FAM83B: variants seen among roughly 807,000 people sequenced by gnomAD.
The protein encoded by FAM83B is protein FAM83B.
A neutral mutation model predicts 38.8 loss-of-function variants in FAM83B; 26 were observed. That is an observed-to-expected ratio of 0.67 (90% CI 0.49 to 0.93). The LOEUF is 0.93. Among genes scored for constraint, FAM83B ranks in the 40% least tolerant of loss-of-function variants. The pLI is 0.00. For synonymous variants in FAM83B, 419 were observed against 423.1 expected, an observed-to-expected ratio of 0.99 and a Z score of 0.12; for missense variants, 1,237 against 1,197.3, an observed-to-expected ratio of 1.03 and a Z score of -0.49.
At chr6:54,896,531 T>C (rs1772539488) in intron 2 of FAM83B, among the ~76,000 whole-genome samples, 2 of 152,186 alleles carry the variant, frequency 1.3e-5, no homozygotes, top group South Asian at 4.1e-4. Context: ...CAGTCCACAC[T>C]GATAAGAGAA....
intron 2 of FAM83B, among the ~76,000 whole-genome samples, chr6:54,918,544 AG>A (rs1441754102): frequency 1.3e-5 from 2 of 152,164 alleles, no homozygotes; most frequent in African/African-American, 4.8e-5. Context: ...AACTAGGAGA[AG>A]TGTAGAGTGA....
At chr6:54,867,009 C>CT (rs893864534) in intron 1 of FAM83B, among the ~76,000 whole-genome samples, 1 of 151,108 alleles carries the variant, frequency 6.6e-6, no homozygotes, top group Non-Finnish European at 1.5e-5. Flanking sequence ...TGTAAGGCCA[C>CT]TTTTTTTCTG....
intron 2 of FAM83B, among the ~76,000 whole-genome samples, chr6:54,892,005 C>T (rs940241264): frequency 6.6e-6 from 1 of 152,092 alleles, no homozygotes; most frequent in Non-Finnish European, 1.5e-5. Context: ...TTCTAATGCT[C>T]TCCATTGCTA....
chr6:54,894,991 A>G (rs1772498014), intron 2 of FAM83B, among the ~76,000 whole-genome samples: 1 of 152,198 alleles, frequency 6.6e-6, no homozygotes, highest in Non-Finnish European at 1.5e-5. Context: ...GTAAGGTATT[A>G]TGTTCCCATT....
At chr6:54,884,234 G>A (rs2746443) in intron 2 of FAM83B, among the ~76,000 whole-genome samples, 102,901 of 149,198 alleles carry the variant, frequency 0.69, 37,502 homozygotes, top group African/African-American at 0.91. Flanking sequence ...TCTAGGAGGC[G>A]GAGGTTGCAG....
intron 3 of FAM83B, 51 bp from the exon 4 acceptor site, chr6:54,927,457 A>G (rs1773320021): frequency 1.4e-6 from 2 of 1,430,906 alleles, no homozygotes; most frequent in East Asian, 2.5e-5. Context: ...GGTTTTCAAA[A>G]TATTCTTTTC....
At chr6:54,910,706 G>C (rs1305211272) in intron 2 of FAM83B, among the ~76,000 whole-genome samples, 1 of 152,094 alleles carries the variant, frequency 6.6e-6, no homozygotes, top group Non-Finnish European at 1.5e-5. Context: ...TCTCATTTTC[G>C]TAAATGTCAG....
intron 2 of FAM83B, among the ~76,000 whole-genome samples, chr6:54,919,881 C>T (rs574721303): frequency 6.6e-6 from 1 of 151,954 alleles, no homozygotes; most frequent in East Asian, 1.9e-4. Flanking sequence ...TTCTCTGGTT[C>T]ATTTGTTTAT....
chr6:54,869,270 C>G (rs1477275609), intron 1 of FAM83B, among the ~76,000 whole-genome samples: 4 of 152,144 alleles, frequency 2.6e-5, no homozygotes, highest in African/African-American at 9.7e-5. Flanking sequence ...ATACTCTGTC[C>G]ACTTCCTCAC....
intron 4 of FAM83B, among the ~76,000 whole-genome samples, chr6:54,929,041 C>A (rs1430567699): frequency 2.0e-5 from 3 of 152,030 alleles, no homozygotes; most frequent in African/African-American, 7.2e-5. Context: ...TTCCTAGGAC[C>A]ATGGATTATA....
chr6:54,932,239 T>C (rs900940645), intron 4 of FAM83B, among the ~76,000 whole-genome samples: 1 of 152,156 alleles, frequency 6.6e-6, no homozygotes, highest in Non-Finnish European at 1.5e-5. Flanking sequence ...CTCGAACTCC[T>C]GACCTCAGGT....
chr6:54,926,190 T>C (rs1773282624), intron 2 of FAM83B, among the ~76,000 whole-genome samples, 181 bp from the exon 3 acceptor site: 1 of 152,214 alleles, frequency 6.6e-6, no homozygotes, highest in South Asian at 2.1e-4. Flanking sequence ...TGCATATAGT[T>C]ATTTGCTTAT....
chr6:54,886,616 A>G (rs1305359825), intron 2 of FAM83B, among the ~76,000 whole-genome samples: 1 of 151,880 alleles, frequency 6.6e-6, no homozygotes, highest in Non-Finnish European at 1.5e-5. Context: ...TGGATTTGTG[A>G]TGATGTTATC....
chr6:54,908,730 T>C (rs1772832258), intron 2 of FAM83B, among the ~76,000 whole-genome samples: 4 of 152,148 alleles, frequency 2.6e-5, no homozygotes, highest in Admixed American at 2.6e-4. Flanking sequence ...GAACATGGGG[T>C]ACAGGTGTAC....
intron 4 of FAM83B, among the ~76,000 whole-genome samples, chr6:54,931,120 G>A (rs1344946308): frequency 6.6e-6 from 1 of 151,948 alleles, no homozygotes; most frequent in Non-Finnish European, 1.5e-5. Flanking sequence ...AATTTTCCTT[G>A]TACCATTGAT....
rs1260987570 is a variant in FAM83B at position 54,940,632 on chromosome 6, A to C, written c.1661A>C (p.Lys554Thr). 1 of 1,613,908 alleles carries C rather than the reference A, an allele frequency of 6.2e-7. No homozygotes were observed. The highest frequency in any genetic ancestry group is 1.3e-5 in the African/African-American group (1 of 74,906). Reference protein sequence around the residue: ...LVFKPTLPEQKEVNSCTTGSS... With the variant: ...LVFKPTLPEQTEVNSCTTGSS... ...TTTAAACCCACTTTACCTGAGCAAA[A>C]GGAAGTTAACAGTTGTACAACTGGC... Residue 554 changes from lysine (K) to threonine (T), a missense_variant, in exon 5 of 5, where the codon AAG becomes ACG. Lys to Thr is a moderately conservative substitution (Grantham distance 78, BLOSUM62 -1). Transcript: ENST00000306858.
At chr6:54,882,863 T>A (rs751546230) in intron 2 of FAM83B, among the ~76,000 whole-genome samples, 1 of 152,222 alleles carries the variant, frequency 6.6e-6, no homozygotes, top group Non-Finnish European at 1.5e-5. Flanking sequence ...TAAATTATAC[T>A]TGTTTGGGAA....
intron 2 of FAM83B, among the ~76,000 whole-genome samples, chr6:54,889,807 CACTT>C (rs1318261467): frequency 6.6e-6 from 1 of 152,018 alleles, no homozygotes; most frequent in East Asian, 1.9e-4. Context: ...TGTTGATACA[CACTT>C]ACAAATGGTT....
chr6:54,917,877 A>C (rs942543100), intron 2 of FAM83B, among the ~76,000 whole-genome samples: 1 of 152,000 alleles, frequency 6.6e-6, no homozygotes, highest in Non-Finnish European at 1.5e-5. Context: ...CCTCTCTCTA[A>C]CTCTTGTTAA....
Sources: allele counts gnomAD v4.1 joint callset (sites outside exome capture counted in the v4.1 genomes callset), GRCh38; gene constraint gnomAD v4.1.1; transcripts MANE v1.5; gene names NCBI Gene and HGNC (gene_info 2026-07-23, HGNC 2026-07-21).